Variants in CAMK1D observed in about 807,000 individuals in gnomAD.
The protein encoded by CAMK1D is calcium/calmodulin dependent protein kinase ID.
CAMK1D carries 9 observed loss-of-function variants against 47.7 expected under a neutral mutation model. The ratio of observed to expected loss-of-function variants is 0.19; its 90% CI spans 0.11 to 0.33. CAMK1D has a LOEUF of 0.33. Ranked by LOEUF, CAMK1D falls within the 10% of genes least tolerant of loss-of-function variation. CAMK1D has a pLI of 1.00. For missense variants in CAMK1D, 291 were observed against 488.7 expected, an observed-to-expected ratio of 0.60 and a Z score of 3.81; for synonymous variants, 184 against 184.9, an observed-to-expected ratio of 0.99 and a Z score of 0.04.
chr10:12,440,232 T>C (rs1478933627), intron 1 of CAMK1D, among the ~76,000 whole-genome samples: 1 of 152,210 alleles, frequency 6.6e-6, no homozygotes, highest in Non-Finnish European at 1.5e-5. Flanking sequence ...ATGTTGTAAT[T>C]ATGAAACAGT....
At chr10:12,556,090 A>G (rs1009543252) in intron 2 of CAMK1D, among the ~76,000 whole-genome samples, 1 of 152,108 alleles carries the variant, frequency 6.6e-6, no homozygotes, top group Non-Finnish European at 1.5e-5. Context: ...AAGAACAAAG[A>G]AGTGATTTCT....
At chr10:12,530,943 G>C (rs936511445) in intron 1 of CAMK1D, among the ~76,000 whole-genome samples, 1 of 152,028 alleles carries the variant, frequency 6.6e-6, no homozygotes, top group Non-Finnish European at 1.5e-5. Context: ...TGTAATCCCA[G>C]CTACTCAGGA....
intron 2 of CAMK1D, among the ~76,000 whole-genome samples, chr10:12,636,642 C>T (rs760771804): frequency 1.3e-5 from 2 of 152,002 alleles, no homozygotes; most frequent in Admixed American, 6.6e-5. Flanking sequence ...ATGCAGTTTT[C>T]GCCAATGAGG....
At chr10:12,495,569 A>G (rs768188373) in intron 1 of CAMK1D, among the ~76,000 whole-genome samples, 1 of 152,240 alleles carries the variant, frequency 6.6e-6, no homozygotes, top group Non-Finnish European at 1.5e-5. Flanking sequence ...AGAAATGCAG[A>G]ATCCCAGAAT....
intron 3 of CAMK1D, among the ~76,000 whole-genome samples, chr10:12,724,196 G>T (rs1018400176): frequency 6.6e-6 from 1 of 152,184 alleles, no homozygotes; most frequent in Non-Finnish European, 1.5e-5. Flanking sequence ...CACCATGTTG[G>T]CCAGGTTGAT....
chr10:12,639,209 G>A (rs1265687644), intron 2 of CAMK1D, among the ~76,000 whole-genome samples: 1 of 152,262 alleles, frequency 6.6e-6, no homozygotes, highest in Non-Finnish European at 1.5e-5. Context: ...AATCAGGCCG[G>A]GTGCAGTGGC....
chr10:12,551,481 G>A lies in CAMK1D; in HGVS notation c.93-1744G>A, dbSNP rs115399965. 9.0e-3 allele frequency among the ~76,000 whole-genome samples: 1,363 copies of A among 152,264 alleles called. 21 individuals are homozygous for A. Among genetic ancestry groups the A allele is most frequent in the African/African-American group, 0.031 (1,289 of 41,542 alleles). Reference sequence around the variant, plus strand: ...AATAATAGAAATAAAGTGGCTGGGCGTGGTGGTTCACACCTATAATCCCAG... The same window carrying A: ...AATAATAGAAATAAAGTGGCTGGGCATGGTGGTTCACACCTATAATCCCAG... On this transcript the variant is annotated intron_variant, in intron 1 of 10. Coordinates refer to ENST00000619168, the MANE Select transcript of CAMK1D (RefSeq NM_153498.4).
At chr10:12,733,124 A>G (rs116477667) in intron 3 of CAMK1D, among the ~76,000 whole-genome samples, 1,778 of 152,304 alleles carry the variant, frequency 0.012, 37 homozygotes, top group African/African-American at 0.04. Context: ...GTGGCAGTTT[A>G]CCTTTCTATT....
intron 2 of CAMK1D, among the ~76,000 whole-genome samples, chr10:12,660,328 TACA>T (rs1424449917): frequency 1.3e-5 from 2 of 152,144 alleles, no homozygotes; most frequent in Admixed American, 6.5e-5. Flanking sequence ...TGAACTGGGG[TACA>T]TGAGGCTGGA....
chr10:12,599,135 T>C (rs992191832), intron 2 of CAMK1D, among the ~76,000 whole-genome samples: 4 of 152,216 alleles, frequency 2.6e-5, no homozygotes, highest in Non-Finnish European at 5.9e-5. Flanking sequence ...TGATCATCAT[T>C]ATTTGTTGAA....
chr10:12,354,599 A>G (rs1414294519), intron 1 of CAMK1D, among the ~76,000 whole-genome samples: 1 of 151,274 alleles, frequency 6.6e-6, no homozygotes, highest in Non-Finnish European at 1.5e-5. Flanking sequence ...TTTAGTAGAG[A>G]CGGGATTTCA....
At chr10:12,390,096 C>T (rs1838669651) in intron 1 of CAMK1D, among the ~76,000 whole-genome samples, 1 of 152,116 alleles carries the variant, frequency 6.6e-6, no homozygotes, top group Non-Finnish European at 1.5e-5. Context: ...AATGAATAGT[C>T]CTGTGTCTCC....
chr10:12,426,434 C>T (rs773974530), intron 1 of CAMK1D, among the ~76,000 whole-genome samples: 7 of 152,078 alleles, frequency 4.6e-5, no homozygotes, highest in Non-Finnish European at 8.8e-5. Context: ...TAAGTAGACA[C>T]GGGGTTTCTC....
At chr10:12,568,946 T>C (rs1331852768) in intron 2 of CAMK1D, among the ~76,000 whole-genome samples, 1 of 152,222 alleles carries the variant, frequency 6.6e-6, no homozygotes, top group Non-Finnish European at 1.5e-5. Context: ...ATATGCCTCT[T>C]TAAAAGGCGA....
At chr10:12,635,456 T>C (rs545458065) in intron 2 of CAMK1D, among the ~76,000 whole-genome samples, 1 of 152,274 alleles carries the variant, frequency 6.6e-6, no homozygotes, top group South Asian at 2.1e-4. Flanking sequence ...AATGGCTTGT[T>C]GAGTACCCCC....
intron 3 of CAMK1D, among the ~76,000 whole-genome samples, chr10:12,734,564 A>ACATATGTATATATGTATATATATACACG (rs1835093735): frequency 3.4e-5 from 5 of 147,354 alleles, no homozygotes; most frequent in African/African-American, 7.7e-5. Flanking sequence ...ATATATACAC[A>ACATATGTATATATGTATATATATACACG]TATGTGTATA....
At chr10:12,598,236 C>T (rs1838200512) in intron 2 of CAMK1D, among the ~76,000 whole-genome samples, 1 of 152,214 alleles carries the variant, frequency 6.6e-6, no homozygotes, top group Admixed American at 6.5e-5. Flanking sequence ...AATTGCTTTT[C>T]TGTTATTCAT....
chr10:12,571,809 A>G (rs1382158990), intron 2 of CAMK1D, among the ~76,000 whole-genome samples: 2 of 152,174 alleles, frequency 1.3e-5, no homozygotes, highest in Admixed American at 1.3e-4. Flanking sequence ...GCTACATTGT[A>G]GGCATTTGGT....
intron 6 of CAMK1D, among the ~76,000 whole-genome samples, chr10:12,810,223 A>G (rs1005005910): frequency 6.7e-6 from 1 of 149,186 alleles, no homozygotes; most frequent in Non-Finnish European, 1.5e-5. Context: ...ATAAAATATA[A>G]CAGTCACTGC....
Sources: allele counts gnomAD v4.1 joint callset (sites outside exome capture counted in the v4.1 genomes callset), GRCh38; gene constraint gnomAD v4.1.1; transcripts MANE v1.5; gene names NCBI Gene and HGNC (gene_info 2026-07-23, HGNC 2026-07-21).